ARID5A: variants seen among roughly 807,000 people sequenced by gnomAD.
The protein encoded by ARID5A is AT-rich interaction domain 5A, also known as AT-rich interactive domain-containing protein 5A.
ARID5A carries 14 observed loss-of-function variants against 30.5 expected under a neutral mutation model. The observed-to-expected ratio is 0.46, with a 90% CI of 0.30 to 0.72. ARID5A has a LOEUF of 0.72. Ranked by LOEUF, ARID5A falls within the 30% of genes least tolerant of loss-of-function variation. The probability of loss-of-function intolerance (pLI) is 0.07; values close to 1 mark genes in which losing one functional copy is unlikely to be tolerated. For synonymous variants in ARID5A, 338 were observed against 340.4 expected (o/e 0.99, Z 0.08); for missense variants, 669 against 786.2 (o/e 0.85, Z 1.78).
chr2:96,538,208 C>G, intron 1 of ARID5A: 1 of 985,470 alleles, frequency 1.0e-6, no homozygotes, highest in Non-Finnish European at 1.2e-6. Flanking sequence ...AATGGGAACA[C>G]ACGAAACCAT....
At chr2:96,546,891 A>G (rs951931007) in intron 1 of ARID5A, among the ~76,000 whole-genome samples, 4 of 152,002 alleles carry the variant, frequency 2.6e-5, no homozygotes, top group African/African-American at 9.7e-5. Flanking sequence ...CTGCTTCTCA[A>G]CTCTGTGTCT....
Position 96,550,350 on chromosome 2 carries a change from G to A in ARID5A, c.410+65G>A, listed in dbSNP as rs1355828121. ...CTGCGGGGCTTTGGCCGACCTTGCC[G>A]GGAGGGCCGGGTGGACTCTGCCCGG... On this transcript the variant is annotated intron_variant, in intron 5 of 6. Transcript: ENST00000357485. This position sits in a 1 kb window ranked among gnomAD's most constrained non-coding sequence, Gnocchi z 6.6. 2.5e-5 allele frequency: 36 copies of A among 1,422,590 alleles called. No homozygotes were observed. Among genetic ancestry groups the A allele is most frequent in the Admixed American group, 3.1e-5 (1 of 32,496 alleles). 88.1% of individuals were successfully genotyped at this position (1,422,590 alleles called of 1,614,324 possible). A position where few individuals can be genotyped will look rare whatever the true frequency, so the allele number is the denominator to read the frequency against.
At chr2:96,542,305 T>C (rs2065860137) in intron 1 of ARID5A, among the ~76,000 whole-genome samples, 1 of 152,166 alleles carries the variant, frequency 6.6e-6, no homozygotes, top group Non-Finnish European at 1.5e-5. Context: ...GCACTAACCC[T>C]GAGAATGGAG....
chr2:96,542,687 A>G (rs1235615416), intron 1 of ARID5A, among the ~76,000 whole-genome samples: 1 of 152,104 alleles, frequency 6.6e-6, no homozygotes, highest in Non-Finnish European at 1.5e-5. Flanking sequence ...CTGTCTAACC[A>G]CTGTATTTTT....
intron 1 of ARID5A, among the ~76,000 whole-genome samples, chr2:96,546,630 G>A (rs2104689357): frequency 6.6e-6 from 1 of 152,380 alleles, no homozygotes; most frequent in South Asian, 2.1e-4. Flanking sequence ...GGGCGAGGGA[G>A]GAGCTGCCCG....
intron 1 of ARID5A, among the ~76,000 whole-genome samples, chr2:96,543,814 G>A (rs895174518): frequency 1.3e-5 from 2 of 152,170 alleles, no homozygotes; most frequent in African/African-American, 4.8e-5. Flanking sequence ...AAAAAAACTA[G>A]AAATAATTAA....
At chr2:96,541,224 G>A (rs1450942175) in intron 1 of ARID5A, among the ~76,000 whole-genome samples, 1 of 151,814 alleles carries the variant, frequency 6.6e-6, no homozygotes, top group African/African-American at 2.4e-5. Flanking sequence ...TTTTAGTAGA[G>A]ACGAGGTTTC....
At chr2:96,538,152 T>C in intron 1 of ARID5A, 1 of 985,422 alleles carries the variant, frequency 1.0e-6, no homozygotes, top group Non-Finnish European at 1.2e-6. Context: ...GCTTCTACAG[T>C]TGAGAGACGT....
chr2:96,539,360 A>G lies in ARID5A; in HGVS notation c.4+2530A>G, dbSNP rs549159046. On this transcript the variant is annotated intron_variant, in intron 1 of 6. Transcript: ENST00000357485. This position sits in a 1 kb window ranked among gnomAD's most constrained non-coding sequence, Gnocchi z 4.7. ...GGCAGGGGCCCACTGACTTCCCCGC[A>G]TCCACCCACTGCCTGGCCCCATAGC... 3.3e-3 allele frequency among the ~76,000 whole-genome samples: 502 copies of G among 152,282 alleles called. 1 individual carries two copies. Among genetic ancestry groups the G allele is most frequent in the Non-Finnish European group, 5.0e-3 (340 of 67,994 alleles).
rs889614201 is a variant in ARID5A at position 96,541,299 on chromosome 2, G to GTGTTTT, written c.4+4483_4+4488dup. Among the ~76,000 whole-genome samples, 11 of 152,314 alleles carry GTGTTTT rather than the reference G, an allele frequency of 7.2e-5. No individual in the cohort carries two copies. The East Asian group carries it at 1.7e-3, about 24-fold the overall frequency. Reference sequence around the variant, plus strand: ...GATCTGCCCGCCTCGGCCTCCCAAAGTGTTTTTGTTTTTGTTTTTTTTTAA... The same window carrying GTGTTTT: ...GATCTGCCCGCCTCGGCCTCCCAAAGTGTTTTTGTTTTTGTTTTTGTTTTTTTTTAA... On this transcript the variant is annotated intron_variant, in intron 1 of 6. Coordinates refer to ENST00000357485, the MANE Select transcript of ARID5A (RefSeq NM_212481.3).
In ARID5A at chr2:96,550,313, A is replaced by G; in HGVS notation, c.410+28A>G. 4 of 1,428,904 alleles carry G rather than the reference A, an allele frequency of 2.8e-6. No individual in the cohort carries two copies. The highest frequency in any genetic ancestry group is 3.6e-6 in the Non-Finnish European group (4 of 1,099,924). 88.5% of individuals were successfully genotyped at this position (1,428,904 alleles called of 1,614,324 possible). ...ACGGCGGGGCGGGCCCGGGTGCTGG[A>G]CGCCGCCTACCCTGCGGGGCTTTGG... On this transcript the variant is annotated intron_variant, in intron 5 of 6. Transcript: ENST00000357485. The surrounding 1 kb of genome is among the most constrained non-coding windows in gnomAD (Gnocchi z 6.6).
rs1456640291 is a variant in ARID5A at position 96,551,617 on chromosome 2, C to T, written c.1089C>T (p.Phe363=). The change falls in exon 7 of 7, where the codon TTC becomes TTT. Residue 363 remains phenylalanine, a synonymous_variant. Transcript: ENST00000357485. ...KPVSQHPRDF[F]SRLKDGVLLG... is the part of the protein sequence containing the mutation. Reference sequence around the variant, plus strand: ...TCAGCCAGCACCCCAGGGACTTCTTCTCTAGACTTAAAGATGGGGTGCTAT... The same window carrying T: ...TCAGCCAGCACCCCAGGGACTTCTTTTCTAGACTTAAAGATGGGGTGCTAT... 2 of 1,545,416 alleles carry T rather than the reference C, an allele frequency of 1.3e-6. No individual in the cohort carries two copies. Among genetic ancestry groups the T allele is most frequent in the Non-Finnish European group, 1.7e-6 (2 of 1,150,556 alleles).
At position 96,550,311 on chromosome 2, in the gene ARID5A, GGAC is replaced by G. The variant is rs2066008635; in HGVS notation, c.410+28_410+30del. On this transcript the variant is annotated intron_variant, in intron 5 of 6. Transcript: ENST00000357485. This position sits in a 1 kb window ranked among gnomAD's most constrained non-coding sequence, Gnocchi z 6.6. ...GTACGGCGGGGCGGGCCCGGGTGCT[GGAC>G]GCCGCCTACCCTGCGGGGCTTTGGC... 1.4e-6 allele frequency: 2 copies of G among 1,430,240 alleles called. No individual in the cohort carries two copies. The highest frequency in any genetic ancestry group is 1.8e-6 in the Non-Finnish European group (2 of 1,100,588). 88.6% of individuals were successfully genotyped at this position (1,430,240 alleles called of 1,614,324 possible). A position where few individuals can be genotyped will look rare whatever the true frequency, so the allele number is the denominator to read the frequency against.
At chr2:96,547,588 G>C in intron 2 of ARID5A, 71 bp downstream of exon 2, 1 of 1,446,476 alleles carries the variant, frequency 6.9e-7, no homozygotes, top group Non-Finnish European at 9.6e-7. Flanking sequence ...CCGCCTCCAG[G>C]TGAACCTGGA....
intron 1 of ARID5A, among the ~76,000 whole-genome samples, chr2:96,542,027 TC>T (rs1342321223): frequency 6.6e-6 from 1 of 152,316 alleles, no homozygotes; most frequent in Non-Finnish European, 1.5e-5. Flanking sequence ...CCTGCCTGGC[TC>T]CCAGCTCTCT....
rs771235373 is a variant in ARID5A, at chr2:96,552,252, A to G, written c.1724A>G (p.His575Arg). 1 of 1,613,318 alleles carries G rather than the reference A, an allele frequency of 6.2e-7. No individual in the cohort carries two copies. Among genetic ancestry groups the G allele is most frequent in the Non-Finnish European group, 8.5e-7 (1 of 1,179,874 alleles). ...HRLCPASSAW[H>R]APPVTTYAAP... ...CTTTGCCCGGCCTCATCTGCCTGGC[A>G]CGCACCACCAGTCACAACCTATGCA... Residue 575 changes from histidine (H) to arginine (R), a missense_variant, in exon 7 of 7, where the codon CAC becomes CGC. His to Arg is a conservative substitution (Grantham distance 29). Transcript: ENST00000357485.
intron 1 of ARID5A, among the ~76,000 whole-genome samples, chr2:96,543,869 T>C (rs2065884348): frequency 6.6e-6 from 1 of 152,244 alleles, no homozygotes. Flanking sequence ...GGCCGAAAGC[T>C]AGGCCTCTTG....
chr2:96,547,658 G>A (rs1245950899), intron 2 of ARID5A, 141 bp downstream of exon 2: 2 of 722,160 alleles, frequency 2.8e-6, no homozygotes, highest in Admixed American at 6.0e-5. Context: ...CAGCAGCCAG[G>A]GGACTTACTT....
chr2:96,547,198 C>G lies in ARID5A; in HGVS notation c.5-204C>G, dbSNP rs552297414. Among the ~76,000 whole-genome samples, 6 of 151,758 alleles carry G rather than the reference C, an allele frequency of 4.0e-5. No individual in the cohort carries two copies. In the East Asian group the frequency reaches 1.2e-3, roughly 30 times the overall value. On this transcript the variant is annotated intron_variant, in intron 1 of 6. Coordinates refer to ENST00000357485, the MANE Select transcript of ARID5A (RefSeq NM_212481.3). ...TAGAGACGGGGTCTCACTACGTTGC[C>G]CAGACAGGTCTTGAACTCCTGACCT...
Sources: allele counts gnomAD v4.1 joint callset (sites outside exome capture counted in the v4.1 genomes callset), GRCh38; gene constraint gnomAD v4.1.1; non-coding constraint Gnocchi (gnomAD v3.1); transcripts MANE v1.5; gene names NCBI Gene and HGNC (gene_info 2026-07-23, HGNC 2026-07-21).